The following NCAM2 variants were observed in gnomAD, a reference collection of about 807,000 sequenced individuals.
The protein encoded by NCAM2 is N-CAM-2.
NCAM2 carries 30 observed loss-of-function variants against 98.1 expected under a neutral mutation model. The ratio of observed to expected loss-of-function variants is 0.31; its 90% confidence interval spans 0.23 to 0.41. NCAM2 has a LOEUF of 0.41. Among genes scored for constraint, NCAM2 ranks in the 10% least tolerant of loss-of-function variants. NCAM2 has a pLI of 1.00. For missense variants in NCAM2, 867 were observed against 1,005.8 expected (o/e 0.86, Z 1.87); for synonymous variants, 368 against 342.4 (o/e 1.07, Z -0.83).
intron 1 of NCAM2, among the ~76,000 whole-genome samples, chr21:21,044,590 A>G (rs879593850): frequency 6.6e-6 from 1 of 152,200 alleles, no homozygotes; most frequent in Non-Finnish European, 1.5e-5. Flanking sequence ...AAAACCAAAT[A>G]AAAATGATTC....
intron 1 of NCAM2, among the ~76,000 whole-genome samples, chr21:21,130,969 A>T (rs1461411182): frequency 1.3e-5 from 2 of 152,184 alleles, no homozygotes; most frequent in Admixed American, 6.5e-5. Flanking sequence ...AAACTAAAAA[A>T]CAGAGTGATA....
At chr21:21,070,286 T>TATATATAA (rs200920528) in intron 1 of NCAM2, among the ~76,000 whole-genome samples, 1 of 148,114 alleles carries the variant, frequency 6.8e-6, no homozygotes, top group East Asian at 2.0e-4. Flanking sequence ...TATATATATA[T>TATATATAA]AATCTAATAT....
intron 1 of NCAM2, among the ~76,000 whole-genome samples, chr21:21,199,802 CATTCTT>C (rs1443928635): frequency 6.6e-6 from 1 of 152,018 alleles, no homozygotes; most frequent in Non-Finnish European, 1.5e-5. Flanking sequence ...AATCGTATGG[CATTCTT>C]ATACTTATGA....
intron 1 of NCAM2, among the ~76,000 whole-genome samples, chr21:21,126,538 A>G (rs1004357856): frequency 1.3e-5 from 2 of 151,834 alleles, no homozygotes; most frequent in Non-Finnish European, 2.9e-5. Flanking sequence ...TACCAACCCC[A>G]TTTCTCTACC....
intron 1 of NCAM2, among the ~76,000 whole-genome samples, chr21:21,125,714 T>TAGAG (rs71322026): frequency 1.0e-4 from 14 of 134,402 alleles, no homozygotes; most frequent in Admixed American, 3.3e-4. Flanking sequence ...TATATATATA[T>TAGAG]AGAGAGAGAG....
rs1048844380 is a variant in NCAM2, at chr21:21,530,231, T to G, written c.2283-4306T>G. Among the ~76,000 whole-genome samples, 264 of 48,520 alleles carry G rather than the reference T, an allele frequency of 5.4e-3. 16 individuals are homozygous for G. Among genetic ancestry groups the G allele is most frequent in the African/African-American group, 0.022 (258 of 11,932 alleles). 31.8% of individuals were successfully genotyped at this position (48,520 alleles called of 152,430 possible). ...TAATTTAATTTAATTTAATTATATA[T>G]ATTTAATTTAAATTAATTATATATA... On this transcript the variant is annotated intron_variant, in intron 16 of 17. Coordinates refer to ENST00000400546, the MANE Select transcript of NCAM2 (RefSeq NM_004540.5).
At chr21:21,479,004 T>C (rs541577254) in intron 15 of NCAM2, among the ~76,000 whole-genome samples, 1 of 152,138 alleles carries the variant, frequency 6.6e-6, no homozygotes, top group African/African-American at 2.4e-5. Flanking sequence ...GTAATTATAT[T>C]TCATGCAAAT....
At chr21:21,407,778 A>C (rs1309320797) in intron 9 of NCAM2, among the ~76,000 whole-genome samples, 1 of 152,128 alleles carries the variant, frequency 6.6e-6, no homozygotes. Flanking sequence ...ATTTTCCTTA[A>C]TCCTCTCCAA....
At chr21:21,510,314 A>T (rs189733900) in intron 16 of NCAM2, among the ~76,000 whole-genome samples, 1 of 152,224 alleles carries the variant, frequency 6.6e-6, no homozygotes, top group East Asian at 1.9e-4. Flanking sequence ...CACATTCTGG[A>T]AGTTCTCTCA....
chr21:21,450,790 G>GTA (rs1555898551), intron 12 of NCAM2, among the ~76,000 whole-genome samples: 2 of 79,350 alleles, frequency 2.5e-5, no homozygotes, highest in South Asian at 3.6e-4. Flanking sequence ...ATGTATGTAT[G>GTA]TATACACACA....
At chr21:21,387,201 C>CAG (rs1279257133) in intron 9 of NCAM2, among the ~76,000 whole-genome samples, 1 of 151,042 alleles carries the variant, frequency 6.6e-6, no homozygotes, top group Non-Finnish European at 1.5e-5. Flanking sequence ...CACACACACA[C>CAG]ACACACACAC....
chr21:21,002,929 C>G (rs2064045926), intron 1 of NCAM2, among the ~76,000 whole-genome samples: 1 of 152,066 alleles, frequency 6.6e-6, no homozygotes, highest in Non-Finnish European at 1.5e-5. Context: ...TTCCAAATTA[C>G]ATGATATGAG....
intron 1 of NCAM2, among the ~76,000 whole-genome samples, chr21:21,195,463 G>A (rs2068971258): frequency 6.6e-6 from 1 of 152,112 alleles, no homozygotes; most frequent in African/African-American, 2.4e-5. Flanking sequence ...ATTAATGAAT[G>A]TGCATTCTTC....
intron 16 of NCAM2, among the ~76,000 whole-genome samples, chr21:21,524,553 GA>G (rs1989218319): frequency 6.6e-6 from 1 of 151,282 alleles, no homozygotes; most frequent in South Asian, 2.1e-4. Flanking sequence ...GGTGTGGGGG[GA>G]GAATACAAAG....
intron 1 of NCAM2, among the ~76,000 whole-genome samples, chr21:21,082,424 C>G (rs2065826388): frequency 6.6e-6 from 1 of 151,706 alleles, no homozygotes; most frequent in African/African-American, 2.4e-5. Context: ...GTGGCATTTG[C>G]CTTAAGTGTC....
intron 1 of NCAM2, among the ~76,000 whole-genome samples, chr21:21,213,815 CT>C (rs1335639319): frequency 6.6e-6 from 1 of 152,126 alleles, no homozygotes; most frequent in Non-Finnish European, 1.5e-5. Flanking sequence ...TCTTTGATAT[CT>C]CTTATAAAAT....
At chr21:21,289,594 C>T (rs1476826601) in intron 4 of NCAM2, among the ~76,000 whole-genome samples, 1 of 151,808 alleles carries the variant, frequency 6.6e-6, no homozygotes, top group Non-Finnish European at 1.5e-5. Flanking sequence ...ATTTCTGAAA[C>T]TGGAATAAGT....
chr21:21,341,008 C>G (rs992914495), intron 8 of NCAM2, among the ~76,000 whole-genome samples: 1 of 151,898 alleles, frequency 6.6e-6, no homozygotes, highest in African/African-American at 2.4e-5. Context: ...ATAAACTTTA[C>G]TTTTTACCTT....
At chr21:21,365,238 C>CGTGCGTGTGTGT (rs1210171656) in intron 8 of NCAM2, among the ~76,000 whole-genome samples, 3 of 146,902 alleles carry the variant, frequency 2.0e-5, no homozygotes, top group Non-Finnish European at 4.5e-5. Flanking sequence ...TTGCTTAGTG[C>CGTGCGTGTGTGT]GTGTGTGTGT....
Sources: gnomAD v4.1 joint callset for allele counts (sites outside exome capture counted in the v4.1 genomes callset) on GRCh38, gnomAD v4.1.1 for gene constraint, MANE v1.5 for transcripts, NCBI Gene and HGNC (gene_info 2026-07-23, HGNC 2026-07-21) for gene names.